Variants in CSGALNACT1 observed in about 807,000 individuals in gnomAD.
CSGALNACT1 encodes beta4GalNAcT-1.
In CSGALNACT1, 52 loss-of-function variants were observed where a neutral mutation model predicts 51.0. That is an observed-to-expected ratio of 1.02 (90% CI 0.82 to 1.29). CSGALNACT1 has a LOEUF of 1.29. Among genes scored for constraint, CSGALNACT1 ranks in the 50% most tolerant of loss-of-function variants. The pLI is 0.00. For missense variants in CSGALNACT1, 935 were observed against 679.2 expected, an observed-to-expected ratio of 1.38 and a Z score of -4.19; for synonymous variants, 341 against 254.4, an observed-to-expected ratio of 1.34 and a Z score of -3.24.
At chr8:19,478,987 C>T (rs2070596129) in intron 4 of CSGALNACT1, among the ~76,000 whole-genome samples, 1 of 152,172 alleles carries the variant, frequency 6.6e-6, no homozygotes, top group Non-Finnish European at 1.5e-5. Context: ...AGGATGAGTT[C>T]TTGAATGACT....
chr8:19,457,850 T>G, intron 5 of CSGALNACT1: 1 of 1,327,906 alleles, frequency 7.5e-7, no homozygotes, highest in Non-Finnish European at 1.0e-6. Context: ...TCTCATTGAG[T>G]AGCTACAAAA....
chr8:19,575,435 A>G (rs1479309283), intron 3 of CSGALNACT1, among the ~76,000 whole-genome samples: 1 of 152,216 alleles, frequency 6.6e-6, no homozygotes, highest in Non-Finnish European at 1.5e-5. Flanking sequence ...AAATCTACCT[A>G]CTAGCTTGCA....
At chr8:19,408,837 G>C in intron 8 of CSGALNACT1, 143 bp from the exon 8 acceptor site, 4 of 745,420 alleles carry the variant, frequency 5.4e-6, no homozygotes, top group Non-Finnish European at 9.7e-6. Flanking sequence ...AAACGCAGAT[G>C]GATTTGAGTC....
At chr8:19,437,516 A>G (rs1447210296) in intron 6 of CSGALNACT1, among the ~76,000 whole-genome samples, 3 of 152,136 alleles carry the variant, frequency 2.0e-5, no homozygotes, top group African/African-American at 4.8e-5. Flanking sequence ...CCTGACCAGC[A>G]ACACCATAAG....
At chr8:19,442,717 A>AT (rs386412236) in intron 5 of CSGALNACT1, among the ~76,000 whole-genome samples, 5 of 21,096 alleles carry the variant, frequency 2.4e-4, no homozygotes, top group African/African-American at 3.5e-4. Context: ...CTTAAAGTAT[A>AT]AAAAAAAAAA....
intron 3 of CSGALNACT1, among the ~76,000 whole-genome samples, chr8:19,571,908 A>G (rs1427762458): frequency 6.6e-6 from 1 of 152,214 alleles, no homozygotes; most frequent in Non-Finnish European, 1.5e-5. Flanking sequence ...CTACAAAGAT[A>G]AGATGGATTT....
chr8:19,430,123 T>G (rs1390876867), intron 6 of CSGALNACT1, among the ~76,000 whole-genome samples: 1 of 152,228 alleles, frequency 6.6e-6, no homozygotes, highest in Non-Finnish European at 1.5e-5. Context: ...CTTATCAGAT[T>G]ATGATTTGCA....
chr8:19,470,605 G>C (rs141931753), intron 4 of CSGALNACT1, among the ~76,000 whole-genome samples: 4 of 152,268 alleles, frequency 2.6e-5, no homozygotes, highest in African/African-American at 9.6e-5. Context: ...AGGTAGCTGG[G>C]CATGAGCGGG....
chr8:19,468,051 G>C (rs528608029), intron 4 of CSGALNACT1, among the ~76,000 whole-genome samples: 1 of 152,302 alleles, frequency 6.6e-6, no homozygotes, highest in South Asian at 2.1e-4. Flanking sequence ...ACATTCTAGA[G>C]AGAAAGACAG....
chr8:19,442,878 C>T (rs2061546439), intron 5 of CSGALNACT1, among the ~76,000 whole-genome samples: 1 of 152,138 alleles, frequency 6.6e-6, no homozygotes, highest in African/African-American at 2.4e-5. Context: ...CTGTTTAGGA[C>T]TCTAGAGTGC....
intron 4 of CSGALNACT1, among the ~76,000 whole-genome samples, chr8:19,479,207 G>A (rs993911448): frequency 5.3e-5 from 8 of 152,196 alleles, no homozygotes; most frequent in African/African-American, 1.7e-4. Flanking sequence ...CCAGGACACC[G>A]TCTCTTCCCT....
chr8:19,613,268 A>G (rs1042737928), intron 1 of CSGALNACT1, among the ~76,000 whole-genome samples: 7 of 152,184 alleles, frequency 4.6e-5, no homozygotes, highest in African/African-American at 1.4e-4. Context: ...CAGAACATAT[A>G]ATTTATGTTT....
upstream of CSGALNACT1, among the ~76,000 whole-genome samples, chr8:19,685,632 T>A (rs2060930418): frequency 6.6e-6 from 1 of 152,188 alleles, no homozygotes; most frequent in Admixed American, 6.5e-5. Flanking sequence ...AACCTTAATA[T>A]GATTTTGAGA....
chr8:19,555,325 C>T (rs1221652637), intron 3 of CSGALNACT1, among the ~76,000 whole-genome samples: 1 of 152,046 alleles, frequency 6.6e-6, no homozygotes, highest in Admixed American at 6.6e-5. Context: ...CCATCAATAT[C>T]AAATGGAGGC....
At chr8:19,585,153 G>T (rs1564151810) in intron 3 of CSGALNACT1, 1 of 152,252 alleles carries the variant, frequency 6.6e-6, no homozygotes, top group Non-Finnish European at 1.5e-5. Context: ...AACACTCACA[G>T]TGCTTGGCTC....
intron 4 of CSGALNACT1, among the ~76,000 whole-genome samples, chr8:19,476,794 C>G (rs1285895435): frequency 6.6e-6 from 1 of 152,188 alleles, no homozygotes; most frequent in Non-Finnish European, 1.5e-5. Context: ...CTCCAGCCAG[C>G]AGTCCCAGTG....
At chr8:19,679,181 A>G (rs747034172) in intron 1 of CSGALNACT1, among the ~76,000 whole-genome samples, 1 of 152,200 alleles carries the variant, frequency 6.6e-6, no homozygotes, top group Non-Finnish European at 1.5e-5. Context: ...TCTTGGGTGC[A>G]GTGGCTCACA....
chr8:19,670,799 C>T (rs2059745449), intron 1 of CSGALNACT1, among the ~76,000 whole-genome samples: 2 of 152,038 alleles, frequency 1.3e-5, no homozygotes, highest in Admixed American at 1.3e-4. Flanking sequence ...TAGATTGAGC[C>T]AGATTCTACT....
chr8:19,522,124 G>A (rs531292379), intron 3 of CSGALNACT1, among the ~76,000 whole-genome samples: 7 of 152,266 alleles, frequency 4.6e-5, no homozygotes, highest in East Asian at 3.9e-4. Flanking sequence ...TCCTCATGAC[G>A]TACTCAGCAT....
Sources: allele counts gnomAD v4.1 joint callset (sites outside exome capture counted in the v4.1 genomes callset), GRCh38; gene constraint gnomAD v4.1.1; transcripts MANE v1.5; gene names NCBI Gene and HGNC (gene_info 2026-07-23, HGNC 2026-07-21).